The following RIMS2 variants were observed in gnomAD, a reference collection of about 807,000 sequenced individuals.
RIMS2 encodes regulating synaptic membrane exocytosis protein 2.
RIMS2 carries 59 observed loss-of-function variants against 174.4 expected under a neutral mutation model. The observed-to-expected ratio is 0.34, with a 90% CI of 0.27 to 0.42. RIMS2 has a LOEUF of 0.42. Among genes scored for constraint, RIMS2 ranks in the 10% least tolerant of loss-of-function variants. The pLI is 1.00. For missense variants in RIMS2, 1,620 were observed against 1,666.3 expected (o/e 0.97, Z 0.48); for synonymous variants, 606 against 572.5 (o/e 1.06, Z -0.84).
chr8:103,762,286 C>G (rs2098120999), intron 2 of RIMS2, among the ~76,000 whole-genome samples: 1 of 151,576 alleles, frequency 6.6e-6, no homozygotes, highest in South Asian at 2.1e-4. Flanking sequence ...AATTTTGAAC[C>G]CTGTATGTTT....
At chr8:103,612,528 A>T (rs1310739047) in intron 1 of RIMS2, among the ~76,000 whole-genome samples, 3 of 152,188 alleles carry the variant, frequency 2.0e-5, no homozygotes, top group Non-Finnish European at 4.4e-5. Flanking sequence ...GTGGCCTTGT[A>T]TAACATCTGG....
chr8:103,761,745 C>G (rs1302141818), intron 2 of RIMS2, among the ~76,000 whole-genome samples: 2 of 152,166 alleles, frequency 1.3e-5, no homozygotes, highest in African/African-American at 2.4e-5. Flanking sequence ...GTTACTTGAT[C>G]AATTTATACT....
At chr8:103,821,300 C>T (rs192477726) in intron 3 of RIMS2, among the ~76,000 whole-genome samples, 2 of 151,724 alleles carry the variant, frequency 1.3e-5, no homozygotes, top group Admixed American at 6.6e-5. Context: ...TATGCTGCTG[C>T]TCTTAAACAT....
intron 13 of RIMS2, among the ~76,000 whole-genome samples, chr8:103,938,811 A>T (rs989549262): frequency 2.6e-5 from 4 of 152,172 alleles, no homozygotes; most frequent in Admixed American, 2.6e-4. Context: ...AATAGGAGAA[A>T]TTGCCCAAAA....
intron 19 of RIMS2, among the ~76,000 whole-genome samples, chr8:104,069,463 C>CTTTTTTTTTTTTTTT (rs71297250): frequency 2.2e-5 from 2 of 91,964 alleles, no homozygotes; most frequent in Non-Finnish European, 4.3e-5. Flanking sequence ...ATTAATTGTT[C>CTTTTTTTTTTTTTTT]TTTTTTTTTT....
intron 19 of RIMS2, among the ~76,000 whole-genome samples, chr8:104,109,571 G>A (rs2098140667): frequency 1.3e-5 from 2 of 152,000 alleles, no homozygotes; most frequent in Admixed American, 6.6e-5. Context: ...CACATGACAA[G>A]CATTTCATAA....
At chr8:103,535,059 A>C (rs1383702925) in intron 1 of RIMS2, among the ~76,000 whole-genome samples, 1 of 152,184 alleles carries the variant, frequency 6.6e-6, no homozygotes, top group African/African-American at 2.4e-5. Flanking sequence ...TGGCTAAAAG[A>C]ATGTTTTTTT....
intron 19 of RIMS2, among the ~76,000 whole-genome samples, chr8:104,062,861 A>G (rs955110798): frequency 1.3e-5 from 2 of 152,110 alleles, no homozygotes; most frequent in African/African-American, 4.8e-5. Flanking sequence ...CATAAAATGT[A>G]ATAAGATAGT....
chr8:104,145,806 G>A (rs1471290803), intron 19 of RIMS2, among the ~76,000 whole-genome samples: 10 of 151,774 alleles, frequency 6.6e-5, no homozygotes, highest in Non-Finnish European at 1.3e-4. Flanking sequence ...AGATTGCGGT[G>A]AGCTAGATCG....
chr8:103,717,792 C>T (rs2097392146), intron 2 of RIMS2, among the ~76,000 whole-genome samples: 1 of 152,150 alleles, frequency 6.6e-6, no homozygotes, highest in African/African-American at 2.4e-5. Flanking sequence ...TACTATGCAT[C>T]ACTGTTCAAT....
At position 104,069,248 on chromosome 8, in the gene RIMS2, T is replaced by A. The variant is rs561302287; in HGVS notation, c.3334+54633T>A. On this transcript the variant is annotated intron_variant, in intron 19 of 23. Coordinates refer to ENST00000504942, the Ensembl canonical transcript of RIMS2. ...ATGTTTGAGGTAGGCTAAGCTAAGC[T>A]GTGATGTTCAGAAGATGTATTAAAT... is the stretch of plus-strand genomic sequence containing the variant. 1.8e-4 allele frequency among the ~76,000 whole-genome samples: 27 copies of A among 152,300 alleles called. No homozygotes were observed. In the East Asian group the frequency reaches 5.2e-3, roughly 29 times the overall value.
chr8:104,247,804 G>T (rs1050313182), intron 20 of RIMS2, among the ~76,000 whole-genome samples: 3 of 152,174 alleles, frequency 2.0e-5, no homozygotes, highest in South Asian at 4.1e-4. Context: ...TGGAACATAG[G>T]TCTGTGGCCC....
chr8:103,746,550 C>G (rs928403121), intron 2 of RIMS2, among the ~76,000 whole-genome samples: 3 of 152,212 alleles, frequency 2.0e-5, no homozygotes, highest in Admixed American at 1.3e-4. Context: ...TTTCATCACT[C>G]AGGTATTAAG....
intron 1 of RIMS2, among the ~76,000 whole-genome samples, chr8:103,610,149 T>C (rs1188184938): frequency 1.3e-5 from 2 of 152,136 alleles, no homozygotes; most frequent in East Asian, 1.9e-4. Flanking sequence ...TGTTGGTGTA[T>C]AGGAATGCCA....
chr8:104,188,833 T>C (rs2098982965), intron 19 of RIMS2, among the ~76,000 whole-genome samples: 1 of 151,884 alleles, frequency 6.6e-6, no homozygotes, highest in Non-Finnish European at 1.5e-5. Flanking sequence ...GATAAACATA[T>C]ATTACTTTTA....
At chr8:103,773,809 GACAAC>G (rs1404887320) in intron 3 of RIMS2, among the ~76,000 whole-genome samples, 1 of 152,132 alleles carries the variant, frequency 6.6e-6, no homozygotes, top group Non-Finnish European at 1.5e-5. Flanking sequence ...CAAAAATCCT[GACAAC>G]ACTTACCTTT....
At chr8:104,243,766 G>A (rs1203552552) in intron 19 of RIMS2, among the ~76,000 whole-genome samples, 3 of 152,210 alleles carry the variant, frequency 2.0e-5, no homozygotes, top group Non-Finnish European at 4.4e-5. Context: ...AATATGCACA[G>A]TGTGGATAAA....
intron 21 of RIMS2, among the ~76,000 whole-genome samples, chr8:104,249,039 C>T (rs1363404971): frequency 6.6e-6 from 1 of 151,716 alleles, no homozygotes; most frequent in Non-Finnish European, 1.5e-5. Context: ...AGAAATCCTC[C>T]CACCTCATCT....
chr8:103,687,159 T>C (rs1011600346), intron 1 of RIMS2, among the ~76,000 whole-genome samples: 1 of 152,140 alleles, frequency 6.6e-6, no homozygotes, highest in African/African-American at 2.4e-5. Flanking sequence ...ATCTTTTTTT[T>C]TTGGTGAATG....
Sources: allele counts gnomAD v4.1 joint callset (sites outside exome capture counted in the v4.1 genomes callset), GRCh38; gene constraint gnomAD v4.1.1; transcripts MANE v1.5; gene names NCBI Gene and HGNC (gene_info 2026-07-23, HGNC 2026-07-21).